Variants in ZSWIM5 observed in about 807,000 individuals in gnomAD.
The protein encoded by ZSWIM5 is zinc finger SWIM-type containing 5.
ZSWIM5 carries 55 observed loss-of-function variants against 119.6 expected under a neutral mutation model. The ratio of observed to expected loss-of-function variants is 0.46; its 90% CI spans 0.37 to 0.58. ZSWIM5 has a LOEUF of 0.58. ZSWIM5 is among the 20% of genes least tolerant of loss of function. The probability of loss-of-function intolerance (pLI) is 0.00; values close to 1 mark genes in which losing one functional copy is unlikely to be tolerated. For missense variants in ZSWIM5, 1,193 were observed against 1,512.8 expected, an observed-to-expected ratio of 0.79 and a Z score of 3.51; for synonymous variants, 537 against 606.9, an observed-to-expected ratio of 0.88 and a Z score of 1.69.
intron 7 of ZSWIM5, 130 bp from the exon 8 acceptor site, chr1:45,039,203 C>T: frequency 1.7e-6 from 2 of 1,187,436 alleles, no homozygotes; most frequent in Non-Finnish European, 1.2e-6. Context: ...TATTGTCTTG[C>T]CTTGGGTTGA....
intron 1 of ZSWIM5, among the ~76,000 whole-genome samples, chr1:45,201,220 T>C (rs528791300): frequency 4.6e-5 from 7 of 152,288 alleles, no homozygotes; most frequent in East Asian, 1.9e-4. Context: ...AGAAGGAGCA[T>C]AGCACTGCCA....
intron 1 of ZSWIM5, among the ~76,000 whole-genome samples, chr1:45,157,325 C>T (rs1018540125): frequency 3.3e-5 from 5 of 152,066 alleles, no homozygotes; most frequent in South Asian, 4.1e-4. Context: ...CAGGCGCATG[C>T]CACCACATTT....
intron 1 of ZSWIM5, among the ~76,000 whole-genome samples, chr1:45,203,713 T>C (rs190297261): frequency 6.6e-6 from 1 of 152,108 alleles, no homozygotes; most frequent in East Asian, 1.9e-4. Flanking sequence ...GGGGGATGAG[T>C]CTCTATTAAA....
At chr1:45,181,467 C>T (rs1646018397) in intron 1 of ZSWIM5, among the ~76,000 whole-genome samples, 1 of 152,054 alleles carries the variant, frequency 6.6e-6, no homozygotes, top group African/African-American at 2.4e-5. Context: ...ATTGGTATAC[C>T]TGAAAGGGAC....
chr1:45,157,043 G>A (rs979719627), intron 1 of ZSWIM5, among the ~76,000 whole-genome samples: 1 of 151,978 alleles, frequency 6.6e-6, no homozygotes. Context: ...TCATGCCCTT[G>A]TCAATCCCCT....
intron 1 of ZSWIM5, among the ~76,000 whole-genome samples, chr1:45,092,544 C>G (rs1199408437): frequency 1.0e-5 from 1 of 98,020 alleles, no homozygotes; most frequent in Non-Finnish European, 2.4e-5. Flanking sequence ...ATCCACCCCC[C>G]CCCCCCCGCC....
At chr1:45,116,183 T>C (rs1490593512) in intron 1 of ZSWIM5, among the ~76,000 whole-genome samples, 1 of 152,222 alleles carries the variant, frequency 6.6e-6, no homozygotes, top group Non-Finnish European at 1.5e-5. Context: ...TAATCAATCC[T>C]GTATCACTCT....
intron 11 of ZSWIM5, among the ~76,000 whole-genome samples, chr1:45,027,747 T>C (rs1309518924): frequency 1.3e-5 from 2 of 152,208 alleles, no homozygotes; most frequent in Non-Finnish European, 2.9e-5. Context: ...GGTGTGATCA[T>C]GGCTCACTTC....
intron 1 of ZSWIM5, among the ~76,000 whole-genome samples, chr1:45,186,141 T>C (rs1406462727): frequency 6.7e-6 from 1 of 148,920 alleles, no homozygotes; most frequent in Non-Finnish European, 1.5e-5. Context: ...CTCAGTAAAC[T>C]ATCACAAGGA....
Position 45,173,570 on chromosome 1 carries a change from T to C in ZSWIM5, c.595+32186A>G, listed in dbSNP as rs111690347. Among the ~76,000 whole-genome samples, 1,124 of 152,230 alleles carry C rather than the reference T, an allele frequency of 7.4e-3. 14 individuals are homozygous for C. Among genetic ancestry groups the C allele is most frequent in the African/African-American group, 0.026 (1,078 of 41,550 alleles). On this transcript the variant is annotated intron_variant, in intron 1 of 13. Transcript: ENST00000359600. ...GCATAACTGAACAGTGATTAAGATT[T>C]TGAACACAGGAGCCGGGCTCTAACC...
At chr1:45,161,385 G>A (rs1264354495) in intron 1 of ZSWIM5, among the ~76,000 whole-genome samples, 1 of 152,102 alleles carries the variant, frequency 6.6e-6, no homozygotes, top group East Asian at 1.9e-4. Context: ...GTGTGTAAGA[G>A]TTACCTTCTC....
At chr1:45,107,603 C>T (rs1159136972) in intron 1 of ZSWIM5, among the ~76,000 whole-genome samples, 1 of 143,790 alleles carries the variant, frequency 7.0e-6, no homozygotes, top group Non-Finnish European at 1.5e-5. Context: ...GATCACACCA[C>T]TGCACTCCAG....
intron 4 of ZSWIM5, among the ~76,000 whole-genome samples, chr1:45,054,767 G>A (rs575211687): frequency 5.9e-5 from 9 of 152,242 alleles, no homozygotes; most frequent in Non-Finnish European, 1.3e-4. Context: ...CTCTAACTCT[G>A]AGGATCAACA....
chr1:45,194,553 T>TA (rs936596070), intron 1 of ZSWIM5, among the ~76,000 whole-genome samples: 10 of 152,044 alleles, frequency 6.6e-5, no homozygotes, highest in Non-Finnish European at 1.2e-4. Flanking sequence ...TTACGGGGCA[T>TA]AAAAAATGTT....
intron 5 of ZSWIM5, among the ~76,000 whole-genome samples, chr1:45,046,574 A>C (rs1645055542): frequency 6.6e-6 from 1 of 152,004 alleles, no homozygotes; most frequent in African/African-American, 2.4e-5. Flanking sequence ...ATAAATGGAG[A>C]TATCAAAAAG....
At chr1:45,039,615 C>T (rs960144262) in intron 7 of ZSWIM5, among the ~76,000 whole-genome samples, 32 of 152,202 alleles carry the variant, frequency 2.1e-4, no homozygotes, top group Admixed American at 4.6e-4. Flanking sequence ...GAACTCCTGG[C>T]CTCAAGTGAT....
intron 8 of ZSWIM5, among the ~76,000 whole-genome samples, chr1:45,037,003 G>A (rs960094168): frequency 6.6e-6 from 1 of 151,048 alleles, no homozygotes; most frequent in Non-Finnish European, 1.5e-5. Flanking sequence ...GTCTCATTAT[G>A]TTGCCCAGGC....
chr1:45,137,460 G>GA (rs906724011), intron 1 of ZSWIM5, among the ~76,000 whole-genome samples: 5 of 151,188 alleles, frequency 3.3e-5, no homozygotes, highest in African/African-American at 7.3e-5. Context: ...AACTGCTATA[G>GA]AAAAAAAAAG....
intron 1 of ZSWIM5, among the ~76,000 whole-genome samples, chr1:45,090,521 TG>T (rs1333142490): frequency 6.6e-6 from 1 of 151,840 alleles, no homozygotes; most frequent in Non-Finnish European, 1.5e-5. Flanking sequence ...GAGACCAAGG[TG>T]GGAGGATTGC....
Sources: allele counts gnomAD v4.1 joint callset (sites outside exome capture counted in the v4.1 genomes callset), GRCh38; gene constraint gnomAD v4.1.1; transcripts MANE v1.5; gene names NCBI Gene and HGNC (gene_info 2026-07-23, HGNC 2026-07-21).